Variants in RAB27B observed in about 807,000 individuals in gnomAD.
RAB27B encodes RAB27B, member RAS oncogene family.
RAB27B carries 15 observed loss-of-function variants against 24.6 expected under a neutral mutation model. That is an observed-to-expected ratio of 0.61 (90% CI 0.41 to 0.94). The LOEUF is 0.94. RAB27B is among the 40% of genes least tolerant of loss of function. The pLI is 0.00. For synonymous variants in RAB27B, 105 were observed against 92.5 expected, an observed-to-expected ratio of 1.14 and a Z score of -0.78; for missense variants, 261 against 266.8, an observed-to-expected ratio of 0.98 and a Z score of 0.15.
At chr18:54,780,334 G>A (rs1419102512) in intron 2 of RAB27B, among the ~76,000 whole-genome samples, 3 of 92,400 alleles carry the variant, frequency 3.2e-5, no homozygotes, top group African/African-American at 8.8e-5. Context: ...TCGCCTCACC[G>A]TGTCTCCCCT....
intron 1 of RAB27B, among the ~76,000 whole-genome samples, chr18:54,840,781 C>T (rs1219250033): frequency 1.3e-5 from 2 of 152,148 alleles, no homozygotes; most frequent in South Asian, 2.1e-4. Flanking sequence ...TTCACCAATA[C>T]TGTCAACAAC....
At chr18:54,879,489 A>C (rs748069545) in intron 3 of RAB27B, 35 bp downstream of exon 3, 1 of 1,531,230 alleles carries the variant, frequency 6.5e-7, no homozygotes, top group Admixed American at 1.7e-5. Flanking sequence ...GGCTACACAT[A>C]GCTTAGAAAA....
chr18:54,877,582 C>A lies in RAB27B; in HGVS notation c.-4C>A. 6.5e-7 allele frequency: 1 copy of A among 1,539,376 alleles called. No individual in the cohort carries two copies. ...TCCTATACAGACCGACCAAGACCAT[C>A]ACTATGACCGATGGAGACTATGATT... is the stretch of plus-strand genomic sequence containing the variant. On this transcript the variant is annotated 5_prime_UTR_variant, in exon 2 of 6. Transcript: ENST00000262094.
At chr18:54,837,244 G>A (rs1160407267) in intron 1 of RAB27B, among the ~76,000 whole-genome samples, 2 of 152,070 alleles carry the variant, frequency 1.3e-5, no homozygotes, top group Non-Finnish European at 2.9e-5. Flanking sequence ...TCAGTGAGGA[G>A]TGGCAAATAC....
At chr18:54,881,769 G>A (rs1024535458) in intron 3 of RAB27B, among the ~76,000 whole-genome samples, 1 of 152,178 alleles carries the variant, frequency 6.6e-6, no homozygotes, top group African/African-American at 2.4e-5. Context: ...AGAGCAAGAT[G>A]TCTGTTACTG....
chr18:54,742,315 C>G (rs368418758), intron 2 of RAB27B, among the ~76,000 whole-genome samples: 1 of 152,074 alleles, frequency 6.6e-6, no homozygotes, highest in Non-Finnish European at 1.5e-5. Context: ...ATCGTACATG[C>G]GGTTTATTTG....
chr18:54,822,656 A>T (rs1910347124), intron 2 of RAB27B, among the ~76,000 whole-genome samples: 1 of 152,240 alleles, frequency 6.6e-6, no homozygotes, highest in African/African-American at 2.4e-5. Flanking sequence ...AAAATGAATT[A>T]TTCTTTCCTA....
chr18:54,718,724 T>C (rs1373146677), intron 2 of RAB27B, among the ~76,000 whole-genome samples: 7 of 152,218 alleles, frequency 4.6e-5, no homozygotes, highest in African/African-American at 1.7e-4. Flanking sequence ...TTTTTCCTGT[T>C]CAAAAATAAT....
chr18:54,790,949 T>C (rs1372454618), intron 2 of RAB27B, among the ~76,000 whole-genome samples: 2 of 152,190 alleles, frequency 1.3e-5, no homozygotes, highest in Non-Finnish European at 2.9e-5. Flanking sequence ...TTTTTCTAAA[T>C]ACAAATTTCA....
intron 2 of RAB27B, among the ~76,000 whole-genome samples, chr18:54,778,039 C>T (rs1031386308): frequency 2.6e-5 from 4 of 152,190 alleles, no homozygotes; most frequent in Non-Finnish European, 5.9e-5. Flanking sequence ...GAACAATTTA[C>T]AGCTTTTCAT....
chr18:54,869,559 G>A (rs888568878), intron 1 of RAB27B, among the ~76,000 whole-genome samples: 3 of 152,208 alleles, frequency 2.0e-5, no homozygotes, highest in Non-Finnish European at 4.4e-5. Context: ...CTGGAGAAGT[G>A]CAAGAACTCA....
At chr18:54,772,096 C>A (rs988415263) in intron 2 of RAB27B, among the ~76,000 whole-genome samples, 1 of 152,124 alleles carries the variant, frequency 6.6e-6, no homozygotes, top group Non-Finnish European at 1.5e-5. Flanking sequence ...ATGTTTATTT[C>A]TAATGATGAG....
At chr18:54,750,187 T>C (rs1804975171) in intron 2 of RAB27B, among the ~76,000 whole-genome samples, 1 of 152,176 alleles carries the variant, frequency 6.6e-6, no homozygotes, top group Admixed American at 6.6e-5. Flanking sequence ...TTTTATCAAT[T>C]AAATTAATGA....
intron 2 of RAB27B, among the ~76,000 whole-genome samples, chr18:54,819,531 C>CAA (rs33940922): frequency 0.24 from 15,577 of 64,812 alleles, 1,530 homozygotes; most frequent in Non-Finnish European, 0.35. Flanking sequence ...GACTCCATCT[C>CAA]AAAAAAAAAA....
At chr18:54,842,059 A>G (rs937162443) in intron 1 of RAB27B, among the ~76,000 whole-genome samples, 2 of 152,246 alleles carry the variant, frequency 1.3e-5, no homozygotes, top group African/African-American at 4.8e-5. Flanking sequence ...AAGTTAGGTC[A>G]AATGTCTAAT....
intron 2 of RAB27B, among the ~76,000 whole-genome samples, chr18:54,743,797 T>G (rs1910146255): frequency 6.6e-6 from 1 of 152,002 alleles, no homozygotes; most frequent in Admixed American, 6.6e-5. Context: ...TTATGCCCAG[T>G]GAGATGAGAA....
At chr18:54,747,462 A>G (rs1910289170) in intron 2 of RAB27B, among the ~76,000 whole-genome samples, 2 of 152,206 alleles carry the variant, frequency 1.3e-5, no homozygotes, top group African/African-American at 2.4e-5. Context: ...GGTAATACCA[A>G]TGCCATTTTG....
chr18:54,806,771 A>G (rs1392628709), intron 2 of RAB27B, among the ~76,000 whole-genome samples: 1 of 152,020 alleles, frequency 6.6e-6, no homozygotes, highest in Non-Finnish European at 1.5e-5. Context: ...AGCAAGAAAA[A>G]CATTCAAAAA....
intron 2 of RAB27B, among the ~76,000 whole-genome samples, chr18:54,760,198 C>A (rs1215252297): frequency 6.6e-6 from 1 of 152,182 alleles, no homozygotes; most frequent in East Asian, 1.9e-4. Context: ...CACCCACTTA[C>A]CTATGATCTC....
Sources: allele counts gnomAD v4.1 joint callset (sites outside exome capture counted in the v4.1 genomes callset), GRCh38; gene constraint gnomAD v4.1.1; transcripts MANE v1.5; gene names NCBI Gene and HGNC (gene_info 2026-07-23, HGNC 2026-07-21).